CFAP77: variants seen among roughly 807,000 people sequenced by gnomAD.
CFAP77 encodes the protein cilia and flagella associated protein 77.
Under a neutral mutation model 31.1 loss-of-function variants are expected in CFAP77, and 25 were observed. The ratio of observed to expected loss-of-function variants is 0.80; its 90% CI spans 0.59 to 1.12. The LOEUF (loss-of-function observed/expected upper bound fraction) is 1.12. CFAP77 is among the 50% of genes most tolerant of loss of function. CFAP77 has a pLI of 0.00. For synonymous variants in CFAP77, 151 were observed against 159.9 expected (o/e 0.94, Z 0.42); for missense variants, 377 against 397.3 (o/e 0.95, Z 0.44).
chr9:132,520,612 A>G (rs1255238799), intron 3 of CFAP77, among the ~76,000 whole-genome samples: 1 of 152,184 alleles, frequency 6.6e-6, no homozygotes, highest in Non-Finnish European at 1.5e-5. Flanking sequence ...ACCACCGCAC[A>G]CCAGCCAGTT....
intron 5 of CFAP77, among the ~76,000 whole-genome samples, chr9:132,544,338 C>T (rs1852698233): frequency 6.6e-6 from 1 of 152,214 alleles, no homozygotes; most frequent in African/African-American, 2.4e-5. Context: ...GCTCCTCTCA[C>T]CGCTCCTGCC....
rs752085789 is a variant in CFAP77 at position 132,572,416 on chromosome 9, C to T, written c.761C>T (p.Thr254Met). 2.0e-5 allele frequency: 33 copies of T among 1,613,362 alleles called. No homozygotes were observed. The highest frequency in any genetic ancestry group is 1.5e-4 in the African/African-American group (11 of 74,942). Residue 254 changes from threonine (T) to methionine (M), a missense_variant, in exon 6 of 6, where the codon ACG (threonine) becomes ATG (methionine). Coordinates refer to ENST00000393216, the MANE Select transcript of CFAP77 (RefSeq NM_001282957.2). ...GGCCGCCACCTTGATACGTTCCCCA[C>T]GGAGGCCGATCGCCAGAGAGCATTA... ...KVGRHLDTFP[T>M]EADRQRALKA...
Position 132,415,346 on chromosome 9 carries a change from G to A in CFAP77, c.195+4880G>A, listed in dbSNP as rs919112328. On this transcript the variant is annotated intron_variant, in intron 1 of 5. Transcript: ENST00000393216. ...GCCCAGGTACATCCTTCAGTGAGTC[G>A]GGCTGAGGCAGGAAACTAACCCCCC... is the stretch of plus-strand genomic sequence containing the variant. Among the ~76,000 whole-genome samples, 5 of 151,770 alleles carry A rather than the reference G, an allele frequency of 3.3e-5. No individual in the cohort carries two copies. In the East Asian group the frequency reaches 5.8e-4, roughly 18 times the overall value.
In CFAP77 at chr9:132,498,604, C is replaced by T; in HGVS notation, c.196-91C>T. The T allele has an allele frequency of 1.0e-6, 1 of 960,366 alleles. No homozygotes were observed. Among genetic ancestry groups the T allele is most frequent in the Non-Finnish European group, 1.6e-6 (1 of 621,910 alleles). 59.5% of individuals were successfully genotyped at this position (960,366 alleles called of 1,614,324 possible). A position where few individuals can be genotyped will look rare whatever the true frequency, so the allele number is the denominator to read the frequency against. On this transcript the variant is annotated intron_variant, in intron 1 of 5. Transcript: ENST00000393216. This position sits in a 1 kb window ranked among gnomAD's most constrained non-coding sequence, Gnocchi z 4.2. The stretch of plus-strand genomic sequence containing the variant: ...GCCACGGCAGGGCCTGGGGGAAATG[C>T]AGGCATCTGGTGCCTCCCTGCTGCC...
intron 1 of CFAP77, among the ~76,000 whole-genome samples, chr9:132,442,908 C>G (rs1850637192): frequency 6.6e-6 from 1 of 152,116 alleles, no homozygotes; most frequent in African/African-American, 2.4e-5. Context: ...ACTAGCACCT[C>G]TGTTTTGAAA....
chr9:132,430,081 C>T (rs946221297), intron 1 of CFAP77, among the ~76,000 whole-genome samples: 6 of 152,034 alleles, frequency 3.9e-5, no homozygotes, highest in East Asian at 3.9e-4. Flanking sequence ...TCCCTGGCTC[C>T]GTGGCCTTCA....
At chr9:132,536,013 T>G (rs1264902689) in intron 3 of CFAP77, among the ~76,000 whole-genome samples, 2 of 152,226 alleles carry the variant, frequency 1.3e-5, no homozygotes, top group Non-Finnish European at 2.9e-5. Flanking sequence ...TTGGTTTATC[T>G]TTTCATTTTC....
intron 1 of CFAP77, among the ~76,000 whole-genome samples, chr9:132,473,845 GGC>G (rs1851303368): frequency 6.6e-6 from 1 of 152,108 alleles, no homozygotes; most frequent in African/African-American, 2.4e-5. Flanking sequence ...CACCACGCCC[GGC>G]TAATTTTGTA....
At chr9:132,415,777 C>T (rs1381464480) in intron 1 of CFAP77, among the ~76,000 whole-genome samples, 1 of 152,094 alleles carries the variant, frequency 6.6e-6, no homozygotes, top group Non-Finnish European at 1.5e-5. Context: ...ACCCTGCGGA[C>T]GAAATTTCAA....
intron 3 of CFAP77, among the ~76,000 whole-genome samples, chr9:132,505,044 ATGAG>A (rs1026500487): frequency 5.9e-5 from 9 of 152,330 alleles, no homozygotes; most frequent in Admixed American, 2.0e-4. Context: ...CAAAAACAAA[ATGAG>A]TGTTATTTAC....
In CFAP77 at chr9:132,490,611, G is replaced by T. The variant is rs773813595; in HGVS notation, c.196-8084G>T. 6.6e-6 allele frequency among the ~76,000 whole-genome samples: 1 copy of T among 152,130 alleles called. No homozygotes were observed. ...GCACTCCCACCTCTGGCTCCAGGCC[G>T]CTCCCTGCTCTAAGTCCCCTTGGCC... On this transcript the variant is annotated intron_variant, in intron 1 of 5. Coordinates refer to ENST00000393216, the MANE Select transcript of CFAP77 (RefSeq NM_001282957.2). This position sits in a 1 kb window ranked among gnomAD's most constrained non-coding sequence, Gnocchi z 4.6.
chr9:132,492,464 G>A (rs1341017957), intron 1 of CFAP77, among the ~76,000 whole-genome samples: 3 of 152,156 alleles, frequency 2.0e-5, no homozygotes, highest in Admixed American at 6.5e-5. Flanking sequence ...GCAGAGATGA[G>A]GTCTGTGCAC....
chr9:132,415,247 C>T (rs1198211305), intron 1 of CFAP77, among the ~76,000 whole-genome samples: 2 of 152,136 alleles, frequency 1.3e-5, no homozygotes, highest in African/African-American at 2.4e-5. Flanking sequence ...GTTGATCCAT[C>T]CTTACAACTC....
chr9:132,488,237 G>A (rs539086745), intron 1 of CFAP77, among the ~76,000 whole-genome samples: 2 of 152,274 alleles, frequency 1.3e-5, no homozygotes, highest in South Asian at 2.1e-4. Flanking sequence ...AACGTCTTTG[G>A]TGGGTCTGAC....
intron 1 of CFAP77, among the ~76,000 whole-genome samples, chr9:132,414,705 A>G (rs1490996722): frequency 6.6e-6 from 1 of 152,126 alleles, no homozygotes; most frequent in Non-Finnish European, 1.5e-5. Context: ...AGAGTTGGGA[A>G]AGTCATTCAG....
At chr9:132,470,029 G>A (rs905083010) in intron 1 of CFAP77, among the ~76,000 whole-genome samples, 6 of 151,970 alleles carry the variant, frequency 3.9e-5, no homozygotes, top group African/African-American at 1.5e-4. Flanking sequence ...AGTAGAGACG[G>A]GGTTTCTCCA....
chr9:132,451,510 G>A (rs966520938), intron 1 of CFAP77, among the ~76,000 whole-genome samples: 61 of 152,232 alleles, frequency 4.0e-4, no homozygotes, highest in Admixed American at 1.2e-3. Context: ...ATCCTGCACT[G>A]TGAGGTGTGT....
intron 1 of CFAP77, among the ~76,000 whole-genome samples, chr9:132,463,445 A>C (rs1465848014): frequency 2.0e-5 from 3 of 152,144 alleles, no homozygotes; most frequent in Admixed American, 1.3e-4. Context: ...AAAGTCAGGA[A>C]GCTGGGACAA....
At chr9:132,476,073 T>C (rs931081457) in intron 1 of CFAP77, among the ~76,000 whole-genome samples, 3 of 152,196 alleles carry the variant, frequency 2.0e-5, no homozygotes, top group Admixed American at 6.5e-5. Flanking sequence ...CAAGTCTTTC[T>C]CGAATGCCAC....
Sources: gnomAD v4.1 joint callset for allele counts (sites outside exome capture counted in the v4.1 genomes callset) on GRCh38, gnomAD v4.1.1 for gene constraint, Gnocchi (gnomAD v3.1) non-coding constraint, MANE v1.5 for transcripts, NCBI Gene and HGNC (gene_info 2026-07-23, HGNC 2026-07-21) for gene names.